The following ODAD2 variants were observed in gnomAD, a reference collection of about 807,000 sequenced individuals.
ODAD2 encodes the protein outer dynein arm docking complex subunit 2.
ODAD2 carries 89 observed loss-of-function variants against 106.8 expected under a neutral mutation model. That is an observed-to-expected ratio of 0.83 (90% confidence interval 0.70 to 0.99). ODAD2 has a LOEUF of 0.99. Ranked by LOEUF, ODAD2 falls within the 50% of genes least tolerant of loss-of-function variation. The probability of loss-of-function intolerance (pLI) is 0.00; values close to 1 mark genes in which losing one functional copy is unlikely to be tolerated. For synonymous variants in ODAD2, 404 were observed against 436.2 expected (o/e 0.93, Z 0.92); for missense variants, 1,168 against 1,238.5 (o/e 0.94, Z 0.85).
intron 19 of ODAD2, among the ~76,000 whole-genome samples, chr10:27,821,046 C>G (rs1265732843): frequency 6.6e-6 from 1 of 152,162 alleles, no homozygotes; most frequent in Non-Finnish European, 1.5e-5. Context: ...TCCCAAATTG[C>G]TGGGATTATA....
intron 17 of ODAD2, among the ~76,000 whole-genome samples, chr10:27,872,978 T>C (rs559235729): frequency 6.6e-6 from 1 of 152,348 alleles, no homozygotes; most frequent in East Asian, 1.9e-4. Flanking sequence ...TATGAATCCC[T>C]CTGATCCTGG....
chr10:27,940,609 T>C lies in ODAD2; in HGVS notation c.1940A>G (p.Asn647Ser). ...LARLLKTSHE[N>S]MLIPVVGTLQ... ...TGTCCCCACCACTGGAATTAGCATGTTTTCATGAGAAGTCTTCAGCAGCCG... is the reference window on the plus strand; with the variant it reads ...TGTCCCCACCACTGGAATTAGCATGCTTTCATGAGAAGTCTTCAGCAGCCG... The change falls in exon 13 of 20, where the codon AAC becomes AGC. Residue 647 changes from asparagine to serine, a missense_variant. Physicochemically the swap from Asn to Ser is conservative, Grantham distance 46 (BLOSUM62 1). Transcript: ENST00000305242. The C allele has an allele frequency of 6.2e-7, 1 of 1,614,082 alleles. No individual in the cohort carries two copies. Among genetic ancestry groups the C allele is most frequent in the Non-Finnish European group, 8.5e-7 (1 of 1,179,978 alleles).
chr10:27,838,539 G>A (rs1176441420), intron 19 of ODAD2, among the ~76,000 whole-genome samples: 1 of 152,156 alleles, frequency 6.6e-6, no homozygotes, highest in Non-Finnish European at 1.5e-5. Context: ...AGCTGCCGGT[G>A]TATTTCTGTG....
At position 27,985,120 on chromosome 10, in the gene ODAD2, G is replaced by C; in HGVS notation, c.474C>G (p.Thr158=). 1 of 1,600,766 alleles carries C rather than the reference G, an allele frequency of 6.2e-7. No homozygotes were observed. The highest frequency in any genetic ancestry group is 8.5e-7 in the Non-Finnish European group (1 of 1,173,144). The part of the protein sequence containing the change: ...SIALNILGKI[T]RDDDPESEIK... ...TTTCACTTTCAGGATCATCATCTCT[G>C]GTAATTTTGCCAAGAATATTTAATG... The change falls in exon 4 of 20, where the codon ACC becomes ACG. Residue 158 remains threonine (T), a synonymous_variant. Coordinates refer to ENST00000305242, the MANE Select transcript of ODAD2 (RefSeq NM_018076.5).
Position 27,940,592 on chromosome 10 carries a change from C to T in ODAD2, c.1957G>A (p.Val653Met). ...GATGCACACTCTTGCAATGTCCCCACCACTGGAATTAGCATGTTTTCATGA... is the reference window on the plus strand; with the variant it reads ...GATGCACACTCTTGCAATGTCCCCATCACTGGAATTAGCATGTTTTCATGA... ...TSHENMLIPV[V>M]GTLQECASEE... is the part of the protein sequence containing the mutation. Residue 653 changes from valine (V) to methionine (M), a missense_variant, in exon 13 of 20, where the codon GTG becomes ATG. By Grantham distance (21) the Val-to-Met change is conservative. Around this residue, in one of 3 missense-constraint regions of ODAD2, gnomAD observed 701 missense variants for 712.3 expected, o/e 0.98. Coordinates refer to ENST00000305242, the MANE Select transcript of ODAD2 (RefSeq NM_018076.5). The T allele has an allele frequency of 6.2e-7, 1 of 1,614,114 alleles. No homozygotes were observed. Among genetic ancestry groups the T allele is most frequent in the Non-Finnish European group, 8.5e-7 (1 of 1,179,986 alleles).
chr10:27,930,902 G>A (rs952377225), intron 16 of ODAD2, among the ~76,000 whole-genome samples: 1 of 152,104 alleles, frequency 6.6e-6, no homozygotes, highest in African/African-American at 2.4e-5. Flanking sequence ...GTTTCTTTTT[G>A]TGTTACAATC....
intron 19 of ODAD2, among the ~76,000 whole-genome samples, chr10:27,824,667 C>T (rs1330970782): frequency 6.6e-6 from 1 of 152,152 alleles, no homozygotes; most frequent in African/African-American, 2.4e-5. Flanking sequence ...TTATTTGAAA[C>T]AATCCATAGG....
chr10:27,864,011 G>A (rs771154993), intron 17 of ODAD2, among the ~76,000 whole-genome samples: 1 of 151,954 alleles, frequency 6.6e-6, no homozygotes, highest in African/African-American at 2.4e-5. Context: ...TGTGGGGGAA[G>A]GATTTTTATC....
intron 7 of ODAD2, among the ~76,000 whole-genome samples, chr10:27,979,634 A>G (rs1849421012): frequency 6.6e-6 from 1 of 152,222 alleles, no homozygotes; most frequent in African/African-American, 2.4e-5. Context: ...CATCAAAAAT[A>G]ATAAAATGTT....
chr10:27,866,979 CT>C (rs377171808), intron 17 of ODAD2, among the ~76,000 whole-genome samples: 33 of 149,956 alleles, frequency 2.2e-4, no homozygotes, highest in South Asian at 1.5e-3. Flanking sequence ...CACAGAACTT[CT>C]TTTTTTTTTC....
intron 16 of ODAD2, among the ~76,000 whole-genome samples, chr10:27,921,625 A>C (rs1052551338): frequency 1.3e-5 from 2 of 152,000 alleles, no homozygotes; most frequent in Admixed American, 1.3e-4. Flanking sequence ...AAGGAGGAAT[A>C]AATCATTTAT....
chr10:27,924,462 A>C (rs192071154), intron 16 of ODAD2, among the ~76,000 whole-genome samples: 2 of 151,070 alleles, frequency 1.3e-5, no homozygotes, highest in African/African-American at 4.8e-5. Context: ...AATAGCTACA[A>C]TATAAACCAA....
chr10:27,872,784 C>A (rs113951457), intron 17 of ODAD2, among the ~76,000 whole-genome samples: 1 of 152,120 alleles, frequency 6.6e-6, no homozygotes, highest in African/African-American at 2.4e-5. Context: ...ATTTTTGCAA[C>A]GATGTTCATC....
chr10:27,896,161 C>T (rs193127355), intron 17 of ODAD2, among the ~76,000 whole-genome samples: 27 of 152,324 alleles, frequency 1.8e-4, no homozygotes, highest in Admixed American at 9.2e-4. Flanking sequence ...AATTTAGCCA[C>T]AAAGATTTAC....
rs985909964 is a variant in ODAD2, at chr10:27,935,394, G to A, written c.2253-142C>T. ...TTACTGGATGGTTAATCTGAAGCTT[G>A]GTAAATAGTAGAGCTGACGTCTAAC... On this transcript the variant is annotated intron_variant, in intron 15 of 19. Coordinates refer to ENST00000305242, the MANE Select transcript of ODAD2 (RefSeq NM_018076.5). 6 of 1,146,948 alleles carry A rather than the reference G, an allele frequency of 5.2e-6. No homozygotes were observed. The African/African-American group carries it at 7.8e-5, about 15-fold the overall frequency. The allele number at this position is 1,146,948 out of a possible 1,614,324, so 71.0% of individuals were successfully genotyped here.
intron 16 of ODAD2, among the ~76,000 whole-genome samples, chr10:27,920,938 A>G (rs1035667838): frequency 8.5e-5 from 13 of 152,096 alleles, no homozygotes; most frequent in African/African-American, 3.1e-4. Flanking sequence ...TACAGATTCC[A>G]TGGTAAGTTT....
At chr10:27,958,870 C>G (rs1012257381) in intron 10 of ODAD2, 1 of 1,303,562 alleles carries the variant, frequency 7.7e-7, no homozygotes, top group Non-Finnish European at 1.0e-6. Context: ...AGAATTTCAA[C>G]TCAACTGGTC....
intron 17 of ODAD2, among the ~76,000 whole-genome samples, chr10:27,870,861 T>G (rs1047372162): frequency 3.3e-5 from 5 of 152,202 alleles, no homozygotes; most frequent in Non-Finnish European, 7.3e-5. Flanking sequence ...ATCCTTTGGG[T>G]ATATACCCAG....
chr10:27,969,677 A>C (rs552204831), intron 8 of ODAD2, among the ~76,000 whole-genome samples: 3 of 152,364 alleles, frequency 2.0e-5, no homozygotes, highest in African/African-American at 7.2e-5. Context: ...CTTCCAAAAC[A>C]CAATGACCCT....
Sources: gnomAD v4.1 joint callset for allele counts (sites outside exome capture counted in the v4.1 genomes callset) on GRCh38, gnomAD v4.1.1 for gene constraint, gnomAD v4.1.1 regional missense constraint, MANE v1.5 for transcripts, NCBI Gene and HGNC (gene_info 2026-07-23, HGNC 2026-07-21) for gene names.